The following ZBTB16 variants were observed in gnomAD, a reference collection of about 807,000 sequenced individuals.
ZBTB16 encodes the protein zinc finger and BTB domain containing 16, also known as zinc finger and BTB domain-containing protein 16.
ZBTB16 carries 8 observed loss-of-function variants against 56.8 expected under a neutral mutation model. The ratio of observed to expected loss-of-function variants is 0.14; its 90% CI spans 0.08 to 0.25. ZBTB16 has a LOEUF of 0.25. Ranked by LOEUF, ZBTB16 falls within the 10% of genes least tolerant of loss-of-function variation. The pLI is 1.00. For missense variants in ZBTB16, 625 were observed against 903.0 expected (o/e 0.69, Z 3.95); for synonymous variants, 363 against 368.5 (o/e 0.98, Z 0.17).
At chr11:114,198,587 A>AT (rs1248403481) in intron 4 of ZBTB16, among the ~76,000 whole-genome samples, 2 of 152,116 alleles carry the variant, frequency 1.3e-5, no homozygotes, top group Admixed American at 6.5e-5. Context: ...AATAAATTTC[A>AT]TTTTTTTAAG....
chr11:114,193,871 A>C (rs375700705), intron 4 of ZBTB16, among the ~76,000 whole-genome samples: 2 of 152,198 alleles, frequency 1.3e-5, no homozygotes, highest in Non-Finnish European at 2.9e-5. Flanking sequence ...TTCCTTGATT[A>C]CACCCATTTA....
chr11:114,091,347 A>C (rs73563513), intron 2 of ZBTB16, among the ~76,000 whole-genome samples: 1,760 of 152,184 alleles, frequency 0.012, 35 homozygotes, highest in African/African-American at 0.039. Context: ...ACCCTGTCTC[A>C]AAACAAAACA....
rs1347548298 is a variant in ZBTB16 at position 114,254,839 on chromosome 11, A to C, written c.*4284A>C. On this transcript the variant is annotated 3_prime_UTR_variant, in exon 7 of 7. Coordinates refer to ENST00000335953, the MANE Select transcript of ZBTB16 (RefSeq NM_006006.6). The stretch of plus-strand genomic sequence containing the variant: ...GGTGGGACAGATGGGGAGAGGAAAA[A>C]GGCAGAGATGGCCAGGAGAGGGGTG... Among the ~76,000 whole-genome samples, 1 of 152,136 alleles carries C rather than the reference A, an allele frequency of 6.6e-6. No homozygotes were observed. Among genetic ancestry groups the C allele is most frequent in the Non-Finnish European group, 1.5e-5 (1 of 68,012 alleles).
intron 2 of ZBTB16, among the ~76,000 whole-genome samples, chr11:114,141,425 A>G (rs1289662023): frequency 6.6e-6 from 1 of 152,060 alleles, no homozygotes; most frequent in Non-Finnish European, 1.5e-5. Flanking sequence ...CTCTTTCTCC[A>G]TCTCTGTCTT....
chr11:114,245,964 G>A (rs1026416114), intron 5 of ZBTB16, among the ~76,000 whole-genome samples: 10 of 152,084 alleles, frequency 6.6e-5, no homozygotes, highest in Admixed American at 2.6e-4. Context: ...TATTGTCTGC[G>A]CCTTCACTCC....
chr11:114,223,627 C>T (rs1194463818), intron 4 of ZBTB16, among the ~76,000 whole-genome samples: 2 of 152,146 alleles, frequency 1.3e-5, no homozygotes, highest in Non-Finnish European at 2.9e-5. Flanking sequence ...TCTGGGAATA[C>T]AGTGGTGAGC....
At chr11:114,193,480 G>C (rs1044570412) in intron 4 of ZBTB16, among the ~76,000 whole-genome samples, 3 of 152,156 alleles carry the variant, frequency 2.0e-5, no homozygotes, top group Non-Finnish European at 4.4e-5. Flanking sequence ...GCAAAGAGGG[G>C]TCCTGTGTGA....
At chr11:114,210,209 A>G (rs1435663775) in intron 4 of ZBTB16, among the ~76,000 whole-genome samples, 1 of 126,278 alleles carries the variant, frequency 7.9e-6, no homozygotes, top group Non-Finnish European at 1.8e-5. Flanking sequence ...GCGCGCGTGC[A>G]CAGTTTGTGA....
intron 3 of ZBTB16, among the ~76,000 whole-genome samples, chr11:114,171,050 T>A (rs1942952936): frequency 6.6e-6 from 1 of 152,076 alleles, no homozygotes; most frequent in African/African-American, 2.4e-5. Context: ...TAATTGAGAT[T>A]TGGGGTCTGG....
At chr11:114,191,166 C>T (rs900888636) in intron 4 of ZBTB16, among the ~76,000 whole-genome samples, 16 of 152,182 alleles carry the variant, frequency 1.1e-4, no homozygotes, top group African/African-American at 3.6e-4. Context: ...AATCACCTCC[C>T]ACCAGGCCTC....
Position 114,161,665 on chromosome 11 carries a change from G to C in ZBTB16, c.1366+5231G>C, listed in dbSNP as rs571925047. On this transcript the variant is annotated intron_variant, in intron 3 of 6. Transcript: ENST00000335953. ...AGGCTGGGCCTGCAGGGAGAGAGCA[G>C]AGTGCAGGGTTTAGAAGAGATGGAC... 2.0e-5 allele frequency among the ~76,000 whole-genome samples: 3 copies of C among 152,300 alleles called. No homozygotes were observed. In the East Asian group the frequency reaches 5.8e-4, roughly 29 times the overall value.
intron 2 of ZBTB16, among the ~76,000 whole-genome samples, chr11:114,118,854 T>C (rs1941255395): frequency 6.6e-6 from 1 of 152,196 alleles, no homozygotes; most frequent in African/African-American, 2.4e-5. Flanking sequence ...TTCATGGTTT[T>C]CCCTGTCTGA....
intron 4 of ZBTB16, among the ~76,000 whole-genome samples, chr11:114,208,160 C>T (rs1034408141): frequency 1.3e-5 from 2 of 152,182 alleles, no homozygotes; most frequent in East Asian, 3.9e-4. Flanking sequence ...ACACCACTTG[C>T]CCTTAGCTAT....
chr11:114,118,142 C>T (rs1941233636), intron 2 of ZBTB16, among the ~76,000 whole-genome samples: 1 of 152,170 alleles, frequency 6.6e-6, no homozygotes, highest in Non-Finnish European at 1.5e-5. Context: ...CTAAAATCCA[C>T]AGGGTCTAGA....
chr11:114,242,685 C>T (rs1944735172), intron 5 of ZBTB16, among the ~76,000 whole-genome samples: 1 of 151,978 alleles, frequency 6.6e-6, no homozygotes, highest in Non-Finnish European at 1.5e-5. Flanking sequence ...GTAGGTAGAC[C>T]CAAAATGAAT....
chr11:114,136,350 T>C (rs1005373100), intron 2 of ZBTB16, among the ~76,000 whole-genome samples: 8 of 152,206 alleles, frequency 5.3e-5, no homozygotes, highest in African/African-American at 1.7e-4. Context: ...AAACAGAGTC[T>C]GGCTTCAGTC....
chr11:114,124,589 A>G (rs1164750756), intron 2 of ZBTB16, among the ~76,000 whole-genome samples: 1 of 152,002 alleles, frequency 6.6e-6, no homozygotes, highest in Admixed American at 6.6e-5. Context: ...CAAAACAAAA[A>G]AAACCAACTG....
chr11:114,210,193 G>GCA (rs1555155959), intron 4 of ZBTB16, among the ~76,000 whole-genome samples: 1 of 63,476 alleles, frequency 1.6e-5, no homozygotes, highest in African/African-American at 5.3e-5. Flanking sequence ...GTGTGTGTGT[G>GCA]CGTGCGCGCG....
intron 2 of ZBTB16, among the ~76,000 whole-genome samples, chr11:114,069,306 C>T (rs866908979): frequency 1.3e-5 from 2 of 151,886 alleles, no homozygotes; most frequent in South Asian, 2.1e-4. Flanking sequence ...AGTATGGTCT[C>T]GATCTCCTGA....
Sources: allele counts gnomAD v4.1 joint callset (sites outside exome capture counted in the v4.1 genomes callset), GRCh38; gene constraint gnomAD v4.1.1; transcripts MANE v1.5; gene names NCBI Gene and HGNC (gene_info 2026-07-23, HGNC 2026-07-21).